TRAPPC9: variants seen among roughly 807,000 people sequenced by gnomAD.
TRAPPC9 encodes the protein IKK2 binding protein.
Under a neutral mutation model 124.0 loss-of-function variants are expected in TRAPPC9, and 83 were observed. The observed-to-expected ratio is 0.67, with a 90% CI of 0.56 to 0.80. The LOEUF (loss-of-function observed/expected upper bound fraction) is 0.80, where lower values mean the gene tolerates loss of function less well. TRAPPC9 is among the 30% of genes least tolerant of loss of function. TRAPPC9 has a pLI of 0.00. For synonymous variants in TRAPPC9, 638 were observed against 617.5 expected, an observed-to-expected ratio of 1.03 and a Z score of -0.49; for missense variants, 1,302 against 1,508.3, an observed-to-expected ratio of 0.86 and a Z score of 2.27.
At chr8:139,944,670 T>C (rs1834103388) in intron 19 of TRAPPC9, among the ~76,000 whole-genome samples, 1 of 152,106 alleles carries the variant, frequency 6.6e-6, no homozygotes, top group African/African-American at 2.4e-5. Flanking sequence ...TAGAATTAAA[T>C]AATACAAAAG....
chr8:140,354,749 A>C (rs1291714456), intron 9 of TRAPPC9, among the ~76,000 whole-genome samples: 1 of 152,232 alleles, frequency 6.6e-6, no homozygotes, highest in East Asian at 1.9e-4. Context: ...TCAGCAAAAA[A>C]GACCATCCAA....
At chr8:140,215,326 G>A (rs556350012) in intron 17 of TRAPPC9, among the ~76,000 whole-genome samples, 1 of 152,228 alleles carries the variant, frequency 6.6e-6, no homozygotes, top group East Asian at 1.9e-4. Context: ...TGGGACCACA[G>A]GATGAAGATT....
chr8:139,806,958 A>G (rs1037465674), intron 21 of TRAPPC9, among the ~76,000 whole-genome samples: 1 of 152,258 alleles, frequency 6.6e-6, no homozygotes, highest in Non-Finnish European at 1.5e-5. Context: ...GATCGGCCAC[A>G]GGCCAGGAAG....
rs543022463 is a variant in TRAPPC9, at chr8:140,439,105, T to A, written c.677A>T (p.Tyr226Phe). Residue 226 changes from tyrosine to phenylalanine, a missense_variant, in exon 3 of 23, where the codon TAC (tyrosine) becomes TTC (phenylalanine). Tyr to Phe is a conservative substitution (Grantham distance 22). Coordinates refer to ENST00000438773, the MANE Select transcript of TRAPPC9 (RefSeq NM_001160372.4). ...ACGCAGCAGCTCCACCGACATGTGG[T>A]AATGCACCAGGGAGTCCTGCAGCAT... ...AGMLQDSLVH[Y>F]HMSVELLRSV... The A allele has an allele frequency of 8.4e-5, 135 of 1,614,210 alleles. 1 individual carries two copies. In the South Asian group the frequency reaches 1.4e-3, roughly 17 times the overall value.
intron 20 of TRAPPC9, among the ~76,000 whole-genome samples, chr8:139,908,076 G>A (rs1382055499): frequency 6.6e-6 from 1 of 152,216 alleles, no homozygotes; most frequent in Non-Finnish European, 1.5e-5. Context: ...ACACTAGCAG[G>A]GTGCCCCTGT....
At chr8:140,222,024 G>A (rs1048848000) in intron 16 of TRAPPC9, among the ~76,000 whole-genome samples, 1 of 152,162 alleles carries the variant, frequency 6.6e-6, no homozygotes, top group Non-Finnish European at 1.5e-5. Context: ...GAGTGCATCA[G>A]TCCTTAAAAA....
Position 140,291,011 on chromosome 8 carries a change from T to C in TRAPPC9, c.1836A>G (p.Glu612=), listed in dbSNP as rs1444795709. 3 of 1,614,196 alleles carry C rather than the reference T, an allele frequency of 1.9e-6. No homozygotes were observed. In the African/African-American group the frequency reaches 4.0e-5, roughly 22 times the overall value. The change falls in exon 12 of 23, where the codon GAA becomes GAG. Residue 612 remains glutamate (E), a synonymous_variant. Coordinates refer to ENST00000438773, the MANE Select transcript of TRAPPC9 (RefSeq NM_001160372.4). ...QLMVYNPMPF[E]LRVENMGLLT... ...TACATACCATGTTTTCAACTCGAAG[T>C]TCAAACGGCATTGGGTTATATACCA...
chr8:139,896,121 C>A (rs1830652052), intron 20 of TRAPPC9, among the ~76,000 whole-genome samples: 1 of 152,234 alleles, frequency 6.6e-6, no homozygotes, highest in African/African-American at 2.4e-5. Context: ...GCATGCATAT[C>A]CGACTTCCTT....
chr8:140,079,673 G>A (rs752971105), intron 17 of TRAPPC9, among the ~76,000 whole-genome samples: 5 of 152,194 alleles, frequency 3.3e-5, no homozygotes, highest in African/African-American at 4.8e-5. Flanking sequence ...GCTCATGCCT[G>A]CAATCCCAGC....
intron 12 of TRAPPC9, 128 bp from the exon 13 acceptor site, chr8:140,287,862 C>G (rs542133976): frequency 1.5e-6 from 2 of 1,348,674 alleles, no homozygotes; most frequent in Non-Finnish European, 2.1e-6. Context: ...ACAGTCTTCA[C>G]AGAGAACTTC....
chr8:139,876,944 G>A (rs1215034024), intron 21 of TRAPPC9, among the ~76,000 whole-genome samples: 1 of 152,220 alleles, frequency 6.6e-6, no homozygotes, highest in East Asian at 1.9e-4. Flanking sequence ...TAAGGCAGAG[G>A]ACTGTCTCGC....
intron 13 of TRAPPC9, among the ~76,000 whole-genome samples, chr8:140,284,607 C>A (rs2065432172): frequency 6.6e-6 from 1 of 152,136 alleles, no homozygotes; most frequent in Non-Finnish European, 1.5e-5. Context: ...TTAAGCAAAG[C>A]TTTAAAATGG....
rs149442630 is a variant in TRAPPC9, at chr8:139,886,423, G to A, written c.2965-454C>T. On this transcript the variant is annotated intron_variant, in intron 20 of 22. Transcript: ENST00000438773. ...TTGATGTAATTACACATATTATTAC[G>A]AACGAACTCACTTAAGCAAGCTCAT... Among the ~76,000 whole-genome samples, 1,079 of 152,174 alleles carry A rather than the reference G, an allele frequency of 7.1e-3. 12 individuals are homozygous for A. The highest frequency in any genetic ancestry group is 0.025 in the African/African-American group (1,018 of 41,504).
intron 17 of TRAPPC9, among the ~76,000 whole-genome samples, chr8:140,135,515 A>G (rs2061287061): frequency 6.6e-6 from 1 of 152,248 alleles, no homozygotes; most frequent in Non-Finnish European, 1.5e-5. Context: ...ACATTATACC[A>G]GGTGAAATAA....
intron 9 of TRAPPC9, among the ~76,000 whole-genome samples, chr8:140,352,209 G>A (rs1356891888): frequency 3.9e-5 from 6 of 152,206 alleles, no homozygotes; most frequent in African/African-American, 1.4e-4. Flanking sequence ...GTTCACTTGT[G>A]GTGTGGCTGC....
intron 21 of TRAPPC9, among the ~76,000 whole-genome samples, chr8:139,826,011 G>C (rs966007934): frequency 2.0e-5 from 3 of 152,202 alleles, no homozygotes; most frequent in African/African-American, 7.2e-5. Context: ...TCTCCCAGGT[G>C]GGGGTGAGAG....
intron 17 of TRAPPC9, among the ~76,000 whole-genome samples, chr8:140,039,196 G>A (rs1026216424): frequency 2.6e-5 from 4 of 152,236 alleles, no homozygotes; most frequent in African/African-American, 4.8e-5. Flanking sequence ...TCCACGGCCT[G>A]TCTGATAGGC....
chr8:140,228,448 T>C (rs2063504348), intron 16 of TRAPPC9, among the ~76,000 whole-genome samples: 1 of 152,238 alleles, frequency 6.6e-6, no homozygotes, highest in Non-Finnish European at 1.5e-5. Flanking sequence ...GAAAGCGGCA[T>C]GCTCGTTCAT....
At chr8:139,983,302 G>A (rs761434146) in intron 19 of TRAPPC9, among the ~76,000 whole-genome samples, 1 of 152,118 alleles carries the variant, frequency 6.6e-6, no homozygotes, top group Non-Finnish European at 1.5e-5. Context: ...CCAGAACCAT[G>A]AGAAATAATT....
Sources: gnomAD v4.1 joint callset for allele counts (sites outside exome capture counted in the v4.1 genomes callset) on GRCh38, gnomAD v4.1.1 for gene constraint, MANE v1.5 for transcripts, NCBI Gene and HGNC (gene_info 2026-07-23, HGNC 2026-07-21) for gene names.